SH3TC1: variants seen among roughly 807,000 people sequenced by gnomAD.
The protein encoded by SH3TC1 is SH3 domain and tetratricopeptide repeats 1.
Under a neutral mutation model 117.3 loss-of-function variants are expected in SH3TC1, and 135 were observed. The observed-to-expected ratio is 1.15, with a 90% CI of 1.00 to 1.33. SH3TC1 has a LOEUF of 1.33. Among genes scored for constraint, SH3TC1 ranks in the 40% most tolerant of loss-of-function variants. The pLI, the probability that SH3TC1 is intolerant of heterozygous loss-of-function variation, is 0.00. For synonymous variants in SH3TC1, 898 were observed against 816.9 expected (o/e 1.10, Z -1.69); for missense variants, 2,092 against 1,794.3 (o/e 1.17, Z -3.00).
At chr4:8,216,605 G>A (rs554297222) in intron 6 of SH3TC1, among the ~76,000 whole-genome samples, 71 of 152,284 alleles carry the variant, frequency 4.7e-4, no homozygotes, top group Non-Finnish European at 9.3e-4. Context: ...TTTCCTACCC[G>A]ACCACAGCAG....
chr4:8,200,837 C>T (rs1321476304), intron 1 of SH3TC1, among the ~76,000 whole-genome samples: 1 of 152,252 alleles, frequency 6.6e-6, no homozygotes, highest in Non-Finnish European at 1.5e-5. Context: ...AGTCCACTCT[C>T]CGCCCTGGTG....
chr4:8,225,258 TG>T lies in SH3TC1; in HGVS notation c.1285+45del, dbSNP rs1282994504. On this transcript the variant is annotated intron_variant, in intron 11 of 17. Transcript: ENST00000245105. This position sits in a 1 kb window ranked among gnomAD's most constrained non-coding sequence, Gnocchi z 5.5. ...GCTCAGGCTTCCTCTGGTTATGAGC[TG>T]GGCCTTGGGGTAACGCTGGGGGAGG... 1.5e-5 allele frequency: 24 copies of T among 1,599,640 alleles called. No homozygotes were observed. The highest frequency in any genetic ancestry group is 2.0e-5 in the Non-Finnish European group (24 of 1,172,454).
intron 5 of SH3TC1, 63 bp from the exon 6 acceptor site, chr4:8,216,048 A>G (rs1719234100): frequency 5.0e-6 from 8 of 1,587,442 alleles, no homozygotes; most frequent in Non-Finnish European, 5.1e-6. Flanking sequence ...GGGACCACAC[A>G]GGCTTCCCTG....
chr4:8,193,712 G>C (rs76260495), intron 1 of SH3TC1, among the ~76,000 whole-genome samples: 14 of 152,192 alleles, frequency 9.2e-5, no homozygotes, highest in Non-Finnish European at 2.1e-4. Context: ...TGAGATGGGG[G>C]TGCTGCCATC....
rs1320375087 is a variant in SH3TC1 at position 8,228,372 on chromosome 4, C to A, written c.2678C>A (p.Ala893Asp). Residue 893 changes from alanine (A) to aspartate (D), a missense_variant, in exon 12 of 18, where the codon GCT (alanine) becomes GAT (aspartate). By Grantham distance (126) the Ala-to-Asp change is moderately radical. Transcript: ENST00000245105. ...AESYYRALRV[A>D]RDLGQQRNQA... ...AGCTACTACCGCGCCCTGCGGGTGG[C>A]TCGGGACCTGGGCCAGCAAAGGAAC... 1 of 1,611,174 alleles carries A rather than the reference C, an allele frequency of 6.2e-7. No individual in the cohort carries two copies. The highest frequency in any genetic ancestry group is 8.5e-7 in the Non-Finnish European group (1 of 1,179,402).
rs1718527619 is a variant in SH3TC1, at chr4:8,210,071, C to A, written c.247+249C>A. ...CACCTGCACAAACGGCAGACACGGT[C>A]CTGGGGGCTCCGTGGGTGACACCCC... On this transcript the variant is annotated intron_variant, in intron 3 of 17. Coordinates refer to ENST00000245105, the MANE Select transcript of SH3TC1 (RefSeq NM_018986.5). The surrounding 1 kb of genome is among the most constrained non-coding windows in gnomAD (Gnocchi z 4.1). 1.3e-5 allele frequency among the ~76,000 whole-genome samples: 2 copies of A among 152,214 alleles called. No homozygotes were observed. Among genetic ancestry groups the A allele is most frequent in the Non-Finnish European group, 2.9e-5 (2 of 68,016 alleles).
At position 8,231,970 on chromosome 4, in the gene SH3TC1, G is replaced by C; in HGVS notation, c.2951-6G>C. On this transcript the variant is annotated splice_region_variant and splice_polypyrimidine_tract_variant and intron_variant, in intron 12 of 17. Coordinates refer to ENST00000245105, the MANE Select transcript of SH3TC1 (RefSeq NM_018986.5). ...GCTGACGTCTTCCTTTTTGTCTTCT[G>C]CCCAGGCCAGCTGCGGGCCGTCCAG... 6.2e-7 allele frequency: 1 copy of C among 1,610,032 alleles called. No homozygotes were observed. Among genetic ancestry groups the C allele is most frequent in the South Asian group, 1.1e-5 (1 of 91,042 alleles).
intron 5 of SH3TC1, chr4:8,215,244 T>G (rs1233453320): frequency 2.2e-6 from 1 of 456,038 alleles, no homozygotes; most frequent in African/African-American, 2.0e-5. Context: ...CTGACCCACG[T>G]GAGCTCTTCC....
rs750180105 is a variant in SH3TC1, at chr4:8,240,786, C to A, written c.3842C>A (p.Thr1281Lys). ...GNKKAQLKIY[T>K]RLATIYHNFL... ...AAGAAGGCACAGCTGAAGATCTACA[C>A]GCGGCTGGCCACCATCTACCACAAC... Residue 1281 changes from threonine to lysine, a missense_variant, in exon 18 of 18, where the codon ACG becomes AAG. Transcript: ENST00000245105. 4 of 1,614,136 alleles carry A rather than the reference C, an allele frequency of 2.5e-6. No individual in the cohort carries two copies. Among genetic ancestry groups the A allele is most frequent in the Admixed American group, 1.7e-5 (1 of 60,038 alleles).
chr4:8,201,192 G>A (rs564598272), intron 1 of SH3TC1, among the ~76,000 whole-genome samples: 1 of 152,304 alleles, frequency 6.6e-6, no homozygotes, highest in East Asian at 1.9e-4. Context: ...AGGGCTGGCC[G>A]CGGCCCTCTC....
intron 6 of SH3TC1, 151 bp from the exon 7 acceptor site, chr4:8,216,806 T>G: frequency 1.4e-6 from 1 of 738,550 alleles, no homozygotes; most frequent in Admixed American, 2.5e-5. Context: ...CCTCTCCTTC[T>G]GAGCCCCTTT....
At chr4:8,233,279 C>A in intron 13 of SH3TC1, 84 bp from the exon 14 acceptor site, 1 of 1,511,204 alleles carries the variant, frequency 6.6e-7, no homozygotes, top group Non-Finnish European at 8.8e-7. Flanking sequence ...ATTCCAGATT[C>A]ATCTGTCACC....
chr4:8,236,275 C>T lies in SH3TC1; in HGVS notation c.3406-3C>T. On this transcript the variant is annotated splice_polypyrimidine_tract_variant and splice_region_variant and intron_variant, in intron 15 of 17. Coordinates refer to ENST00000245105, the MANE Select transcript of SH3TC1 (RefSeq NM_018986.5). The stretch of plus-strand genomic sequence containing the variant: ...AGCCTGACCCCACCTGCCTGTGTGG[C>T]AGGACCGGGCCCTGCCCCTGGCAGT... 1.3e-6 allele frequency: 2 copies of T among 1,545,924 alleles called. No individual in the cohort carries two copies. The highest frequency in any genetic ancestry group is 1.7e-6 in the Non-Finnish European group (2 of 1,144,698).
chr4:8,236,928 TGTGGCCCAGGGCCTG>T (rs1468715188), intron 16 of SH3TC1: 1 of 160,656 alleles, frequency 6.2e-6, no homozygotes, highest in African/African-American at 2.4e-5. Context: ...CCCAGCGCCT[TGTGGCCCAGGGCCTG>T]GTACACAGGT....
At chr4:8,234,873 A>G (rs1721665222) in intron 14 of SH3TC1, among the ~76,000 whole-genome samples, 1 of 152,218 alleles carries the variant, frequency 6.6e-6, no homozygotes, top group Non-Finnish European at 1.5e-5. Context: ...TCTCCTTACA[A>G]AATGCATCTG....
At chr4:8,232,556 GC>G in intron 13 of SH3TC1, 2 of 1,362,806 alleles carry the variant, frequency 1.5e-6, no homozygotes, top group African/African-American at 2.9e-5. Flanking sequence ...GCCACCTGTG[GC>G]TTCTCTCCCA....
rs1720739087 is a variant in SH3TC1 at position 8,228,211 on chromosome 4, G to A, written c.2517G>A (p.Gly839=). The A allele has an allele frequency of 1.2e-6, 2 of 1,609,118 alleles. No homozygotes were observed. Among genetic ancestry groups the A allele is most frequent in the Non-Finnish European group, 8.5e-7 (1 of 1,177,318 alleles). ...TGGCCTGGCTGCACGTGCTTCATGG[G>A]CAGAGCCCGGTGGCCCTGGACATCC... ...VALAWLHVLH[G]QSPVALDILQ... Residue 839 remains glycine (G), a synonymous_variant, in exon 12 of 18, where the codon GGG becomes GGA. Transcript: ENST00000245105.
At chr4:8,202,119 G>T (rs1217904632) in intron 1 of SH3TC1, among the ~76,000 whole-genome samples, 1 of 152,194 alleles carries the variant, frequency 6.6e-6, no homozygotes, top group Admixed American at 6.5e-5. Flanking sequence ...GGCCTTGCAG[G>T]CAGGGGCTTC....
intron 13 of SH3TC1, chr4:8,232,397 C>G (rs1721318269): frequency 6.3e-7 from 1 of 1,579,250 alleles, no homozygotes; most frequent in Non-Finnish European, 8.6e-7. Context: ...TGCTTGCACA[C>G]CTCCCCAAAG....
Sources: allele counts gnomAD v4.1 joint callset (sites outside exome capture counted in the v4.1 genomes callset), GRCh38; gene constraint gnomAD v4.1.1; non-coding constraint Gnocchi (gnomAD v3.1); transcripts MANE v1.5; gene names NCBI Gene and HGNC (gene_info 2026-07-23, HGNC 2026-07-21).